ANKRD50: variants seen among roughly 807,000 people sequenced by gnomAD.
The protein encoded by ANKRD50 is ankyrin repeat domain-containing protein 50.
In ANKRD50, 40 loss-of-function variants were observed where a neutral mutation model predicts 112.0. That is an observed-to-expected ratio of 0.36 (90% CI 0.28 to 0.46). The LOEUF (loss-of-function observed/expected upper bound fraction) is 0.46. Among genes scored for constraint, ANKRD50 ranks in the 20% least tolerant of loss-of-function variants. ANKRD50 has a pLI of 1.00. For synonymous variants in ANKRD50, 613 were observed against 619.1 expected, an observed-to-expected ratio of 0.99 and a Z score of 0.15; for missense variants, 1,487 against 1,701.7, an observed-to-expected ratio of 0.87 and a Z score of 2.22.
intron 3 of ANKRD50, among the ~76,000 whole-genome samples, chr4:124,675,391 C>G (rs1730751998): frequency 6.6e-6 from 1 of 151,442 alleles, no homozygotes; most frequent in Non-Finnish European, 1.5e-5. Context: ...AAAATAAAAC[C>G]TAAAAATATA....
chr4:124,675,233 T>C (rs1278760465), intron 3 of ANKRD50, among the ~76,000 whole-genome samples: 1 of 151,840 alleles, frequency 6.6e-6, no homozygotes, highest in African/African-American at 2.4e-5. Context: ...TATTATTTTC[T>C]ATTCTTGCTT....
At chr4:124,688,006 C>T (rs753502634) in intron 2 of ANKRD50, among the ~76,000 whole-genome samples, 3 of 152,270 alleles carry the variant, frequency 2.0e-5, no homozygotes, top group Middle Eastern at 3.4e-3. Flanking sequence ...CCAAAATGAA[C>T]TGAAAATGTA....
At chr4:124,699,060 G>T (rs992855851) in intron 2 of ANKRD50, among the ~76,000 whole-genome samples, 1 of 152,052 alleles carries the variant, frequency 6.6e-6, no homozygotes, top group Non-Finnish European at 1.5e-5. Context: ...TAACAATTAC[G>T]TGTGTATACC....
Position 124,670,962 on chromosome 4 carries a change from G to C in ANKRD50, c.2315C>G (p.Ala772Gly). Reference protein sequence around the residue: ...DVVDLLLEGGADVDHTDNNGR... With the variant: ...DVVDLLLEGGGDVDHTDNNGR... ...ATTGTTATCTGTGTGATCTACATCTGCTCCCCCTTCTAGAAGCAAGTCAAC... is the reference window on the plus strand; with the variant it reads ...ATTGTTATCTGTGTGATCTACATCTCCTCCCCCTTCTAGAAGCAAGTCAAC... The change falls in exon 4 of 5, where the codon GCA (alanine) becomes GGA (glycine). Residue 772 changes from alanine (A) to glycine (G), a missense_variant. Around this residue, in one of 2 missense-constraint regions of ANKRD50, gnomAD observed 1,046 missense variants for 1,269.5 expected, o/e 0.82. Transcript: ENST00000504087. The C allele has an allele frequency of 1.9e-6, 3 of 1,613,804 alleles. No homozygotes were observed. The highest frequency in any genetic ancestry group is 1.7e-6 in the Non-Finnish European group (2 of 1,179,864).
intron 1 of ANKRD50, among the ~76,000 whole-genome samples, chr4:124,711,710 C>CA (rs1193754405): frequency 6.7e-6 from 1 of 148,256 alleles, no homozygotes; most frequent in Non-Finnish European, 1.5e-5. Flanking sequence ...TGATAATGTG[C>CA]AAAAATCTAG....
At chr4:124,708,550 A>G (rs1033244974) in intron 2 of ANKRD50, among the ~76,000 whole-genome samples, 1 of 151,944 alleles carries the variant, frequency 6.6e-6, no homozygotes, top group African/African-American at 2.4e-5. Flanking sequence ...CACTCCCTCT[A>G]TCACTATATG....
chr4:124,667,049 A>G lies in ANKRD50; in HGVS notation c.*469T>C, dbSNP rs1395286720. ...ATTTGTTTTATTGAGCAACGTCTTT[A>G]AAGATACAAGAAACAGGCCATACAC... On this transcript the variant is annotated 3_prime_UTR_variant, in exon 5 of 5. Coordinates refer to ENST00000504087, the MANE Select transcript of ANKRD50 (RefSeq NM_020337.3). 47 of 152,124 alleles carry G rather than the reference A, an allele frequency of 3.1e-4. No individual in the cohort carries two copies. The allele number at this position is 152,124 out of a possible 1,614,324, so 9.4% of individuals were successfully genotyped here. A position where few individuals can be genotyped will look rare whatever the true frequency, so the allele number is the denominator to read the frequency against.
At position 124,664,092 on chromosome 4, in the gene ANKRD50, G is replaced by T. The variant is rs1303294490; in HGVS notation, c.*3426C>A. On this transcript the variant is annotated 3_prime_UTR_variant, in exon 5 of 5. Coordinates refer to ENST00000504087, the MANE Select transcript of ANKRD50 (RefSeq NM_020337.3). ...CACAAATTTTATTTAGAAAATGAATGACCATGTTTGCAATAAACTCCCAAA... is the reference window on the plus strand; with the variant it reads ...CACAAATTTTATTTAGAAAATGAATTACCATGTTTGCAATAAACTCCCAAA... The T allele has an allele frequency of 2.6e-5, 4 of 151,948 alleles. No homozygotes were observed. Among genetic ancestry groups the T allele is most frequent in the African/African-American group, 7.2e-5 (3 of 41,406 alleles). The allele number at this position is 151,948 out of a possible 1,614,324, so 9.4% of individuals were successfully genotyped here. A position where few individuals can be genotyped will look rare whatever the true frequency, so the allele number is the denominator to read the frequency against.
chr4:124,691,498 CAAAAAAAAAA>C lies in ANKRD50; in HGVS notation c.513-12603_513-12594del, dbSNP rs71583369. On this transcript the variant is annotated intron_variant, in intron 2 of 4. Transcript: ENST00000504087. ...TGGGCGACAGAGCGAGACTCCGTCT[CAAAAAAAAAA>C]AAAAAAAAAAAAAAAAGGAGAACAG... Among the ~76,000 whole-genome samples the C allele has an allele frequency of 3.8e-4, 23 of 59,770 alleles. No homozygotes were observed. In the South Asian group the frequency reaches 0.023, roughly 61 times the overall value. 39.2% of individuals were successfully genotyped at this position (59,770 alleles called of 152,430 possible).
intron 3 of ANKRD50, among the ~76,000 whole-genome samples, chr4:124,676,027 T>C (rs752209963): frequency 6.6e-6 from 1 of 151,814 alleles, no homozygotes; most frequent in Non-Finnish European, 1.5e-5. Flanking sequence ...TGTTACTGGC[T>C]ATGATGATAC....
intron 2 of ANKRD50, among the ~76,000 whole-genome samples, chr4:124,679,293 G>A (rs1267905525): frequency 6.6e-6 from 1 of 152,220 alleles, no homozygotes; most frequent in African/African-American, 2.4e-5. Flanking sequence ...AACAAACTCT[G>A]GGGATCACCT....
chr4:124,701,923 G>A (rs1432605361), intron 2 of ANKRD50, among the ~76,000 whole-genome samples: 4 of 151,530 alleles, frequency 2.6e-5, no homozygotes, highest in African/African-American at 7.3e-5. Flanking sequence ...TTCTAAAAAC[G>A]AGACCTAAAA....
Position 124,670,800 on chromosome 4 carries a change from T to C in ANKRD50, c.2477A>G (p.Asn826Ser). The stretch of plus-strand genomic sequence containing the variant: ...CAGTAGAGTACGTACCACCTCAACA[T>C]TTCCTTGTGCTGAAGCTATACTGAG... ...TVLSIASAQG[N>S]VEVVRTLLDR... Residue 826 changes from asparagine (N) to serine (S), a missense_variant, in exon 4 of 5, where the codon AAT (asparagine) becomes AGT (serine). Asn to Ser is a conservative substitution (Grantham distance 46). Coordinates refer to ENST00000504087, the MANE Select transcript of ANKRD50 (RefSeq NM_020337.3). 1 of 1,613,894 alleles carries C rather than the reference T, an allele frequency of 6.2e-7. No homozygotes were observed. The highest frequency in any genetic ancestry group is 8.5e-7 in the Non-Finnish European group (1 of 1,179,866).
intron 2 of ANKRD50, among the ~76,000 whole-genome samples, chr4:124,699,843 TGAA>T (rs1484897883): frequency 1.3e-5 from 2 of 151,052 alleles, no homozygotes; most frequent in African/African-American, 4.9e-5. Context: ...ATTACCAGTG[TGAA>T]GAAGATTATA....
intron 2 of ANKRD50, among the ~76,000 whole-genome samples, chr4:124,700,422 C>G (rs113555247): frequency 1.3e-5 from 2 of 152,182 alleles, no homozygotes; most frequent in East Asian, 1.9e-4. Flanking sequence ...ACAATAACAA[C>G]AAGAAGAGCA....
chr4:124,682,319 T>C (rs1415729851), intron 2 of ANKRD50, among the ~76,000 whole-genome samples: 3 of 78,026 alleles, frequency 3.8e-5, no homozygotes, highest in Admixed American at 1.8e-4. Context: ...CAAGACTCCG[T>C]CTCAAAAAAA....
intron 2 of ANKRD50, among the ~76,000 whole-genome samples, chr4:124,694,251 T>C (rs1725202024): frequency 6.6e-6 from 1 of 152,242 alleles, no homozygotes. Flanking sequence ...GGCCCAAATG[T>C]AGAATACAAT....
chr4:124,690,826 G>A (rs959364028), intron 2 of ANKRD50, among the ~76,000 whole-genome samples: 2 of 152,152 alleles, frequency 1.3e-5, no homozygotes, highest in Non-Finnish European at 2.9e-5. Flanking sequence ...GTGAGAGATG[G>A]CAAGACCAAG....
chr4:124,667,019 G>C lies in ANKRD50; in HGVS notation c.*499C>G, dbSNP rs1730507766. On this transcript the variant is annotated 3_prime_UTR_variant, in exon 5 of 5. Transcript: ENST00000504087. Reference sequence around the variant, plus strand: ...AAGGTGTAGTGAACATAGAACAGTTGCAAGATTTGTTTTATTGAGCAACGT... The same window carrying C: ...AAGGTGTAGTGAACATAGAACAGTTCCAAGATTTGTTTTATTGAGCAACGT... The C allele has an allele frequency of 6.6e-6, 1 of 151,870 alleles. No individual in the cohort carries two copies. The highest frequency in any genetic ancestry group is 1.9e-4 in the East Asian group (1 of 5,174). The allele number at this position is 151,870 out of a possible 1,614,324, so 9.4% of individuals were successfully genotyped here.
Sources: allele counts gnomAD v4.1 joint callset (sites outside exome capture counted in the v4.1 genomes callset), GRCh38; gene constraint gnomAD v4.1.1; regional missense constraint gnomAD v4.1.1; transcripts MANE v1.5; gene names NCBI Gene and HGNC (gene_info 2026-07-23, HGNC 2026-07-21).